The following SLC28A2 variants were observed in gnomAD, a reference collection of about 807,000 sequenced individuals.
SLC28A2 encodes solute carrier family 28 member 2, also known as sodium/nucleoside cotransporter 2.
SLC28A2 carries 69 observed loss-of-function variants against 72.9 expected under a neutral mutation model. The observed-to-expected ratio is 0.95, with a 90% CI of 0.78 to 1.16. SLC28A2 has a LOEUF of 1.16. Ranked by LOEUF, SLC28A2 falls within the 50% of genes most tolerant of loss-of-function variation. The pLI, the probability that SLC28A2 is intolerant of heterozygous loss-of-function variation, is 0.00. For missense variants in SLC28A2, 745 were observed against 791.1 expected (o/e 0.94, Z 0.70); for synonymous variants, 296 against 294.1 (o/e 1.01, Z -0.07).
intron 13 of SLC28A2, among the ~76,000 whole-genome samples, chr15:45,269,074 G>A (rs915055983): frequency 3.3e-5 from 5 of 150,726 alleles, no homozygotes; most frequent in Admixed American, 2.0e-4. Context: ...GCTAAATGAC[G>A]AGTTGATGGG....
intron 10 of SLC28A2, among the ~76,000 whole-genome samples, chr15:45,266,817 T>C (rs1900351978): frequency 6.6e-6 from 1 of 152,234 alleles, no homozygotes; most frequent in African/African-American, 2.4e-5. Flanking sequence ...CCTAGTTTCC[T>C]ATGTGAGACT....
chr15:45,273,833 C>T (rs958271445), intron 17 of SLC28A2, among the ~76,000 whole-genome samples: 7 of 152,196 alleles, frequency 4.6e-5, no homozygotes, highest in Non-Finnish European at 7.3e-5. Flanking sequence ...AAGTGACTAT[C>T]TCTTTTCCGG....
chr15:45,264,950 C>A (rs542871081), intron 7 of SLC28A2, 139 bp from the exon 8 acceptor site: 128 of 767,188 alleles, frequency 1.7e-4, no homozygotes, highest in Non-Finnish European at 2.5e-4. Flanking sequence ...GGGGACATAG[C>A]CTGCCCCTGG....
At position 45,269,499 on chromosome 15, in the gene SLC28A2, G is replaced by C. The variant is rs1346521961; in HGVS notation, c.1530G>C (p.Met510Ile). Residue 510 changes from methionine to isoleucine, a missense_variant, in exon 14 of 18, where the codon ATG (methionine) becomes ATC (isoleucine). Coordinates refer to ENST00000347644, the MANE Select transcript of SLC28A2 (RefSeq NM_004212.4). ...ACAAGAACAAACGTCTCTCTGGAAT[G>C]GAGGAGTGGATTGAGGGAGAGAAAC... ...SQYKNKRLSG[M>I]EEWIEGEKQW... The C allele has an allele frequency of 6.2e-7, 1 of 1,614,138 alleles. No homozygotes were observed. Among genetic ancestry groups the C allele is most frequent in the South Asian group, 1.1e-5 (1 of 91,086 alleles).
chr15:45,268,384 G>T lies in SLC28A2; in HGVS notation c.1368+6G>T. On this transcript the variant is annotated splice_donor_region_variant and intron_variant, in intron 13 of 17. Transcript: ENST00000347644. ...TACAGGGGCTCACTTTCCAGGTAAA[G>T]GATTACATTTGTTGGGCTGTCCCTC... is the stretch of plus-strand genomic sequence containing the variant. 6.3e-7 allele frequency: 1 copy of T among 1,579,314 alleles called. No homozygotes were observed. The highest frequency in any genetic ancestry group is 8.7e-7 in the Non-Finnish European group (1 of 1,153,406).
chr15:45,266,208 G>C, intron 10 of SLC28A2, 47 bp downstream of exon 10: 2 of 1,334,186 alleles, frequency 1.5e-6, no homozygotes, highest in Non-Finnish European at 2.2e-6. Flanking sequence ...GAGGAACTGA[G>C]AATTTGGCAC....
intron 10 of SLC28A2, among the ~76,000 whole-genome samples, chr15:45,266,556 TGCTC>T (rs1900342979): frequency 6.6e-6 from 1 of 152,300 alleles, no homozygotes; most frequent in East Asian, 1.9e-4. Context: ...TCACTTATCT[TGCTC>T]ATCGCTAACG....
At chr15:45,272,838 G>A (rs1900627216) in intron 17 of SLC28A2, 54 bp downstream of exon 17, 11 of 917,250 alleles carry the variant, frequency 1.2e-5, no homozygotes, top group Admixed American at 3.5e-5. Context: ...AGGTCTCCAC[G>A]GTAATGCTGT....
At position 45,275,382 on chromosome 15, in the gene SLC28A2, GT is replaced by G; in HGVS notation, c.1860-9del. The G allele has an allele frequency of 6.6e-7, 1 of 1,512,830 alleles. No individual in the cohort carries two copies. Among genetic ancestry groups the G allele is most frequent in the Admixed American group, 1.7e-5 (1 of 59,544 alleles). The allele number at this position is 1,512,830 out of a possible 1,614,324, so 93.7% of individuals were successfully genotyped here. On this transcript the variant is annotated splice_polypyrimidine_tract_variant and intron_variant, in intron 17 of 17. Coordinates refer to ENST00000347644, the MANE Select transcript of SLC28A2 (RefSeq NM_004212.4). ...GTCTGACCCCTTATGTACCTCTCTG[GT>G]TTTTCACTGCAGTACTTCTCTGAAT... is the stretch of plus-strand genomic sequence containing the variant.
intron 15 of SLC28A2, among the ~76,000 whole-genome samples, 199 bp downstream of exon 15, chr15:45,270,475 C>G (rs1398488606): frequency 1.3e-5 from 2 of 152,164 alleles, no homozygotes; most frequent in Non-Finnish European, 2.9e-5. Flanking sequence ...TTTATAATCT[C>G]AACTTCAGTT....
In SLC28A2 at chr15:45,277,518, G is replaced by A. The variant is rs1256459101; in HGVS notation, c.*2005G>A. The A allele has an allele frequency of 6.6e-6, 1 of 151,248 alleles. No individual in the cohort carries two copies. The highest frequency in any genetic ancestry group is 1.5e-5 in the Non-Finnish European group (1 of 67,856). The allele number at this position is 151,248 out of a possible 1,614,324, so 9.4% of individuals were successfully genotyped here. On this transcript the variant is annotated 3_prime_UTR_variant, in exon 18 of 18. Transcript: ENST00000347644. ...AAAAAGAAGTACTGATTTATGCTAT[G>A]TAGAGGCACCCCGAAAACATGCTAA...
At position 45,262,023 on chromosome 15, in the gene SLC28A2, G is replaced by A. The variant is rs115889945; in HGVS notation, c.179G>A (p.Arg60Gln). Residue 60 changes from arginine to glutamine, a missense_variant, in exon 4 of 18, where the codon CGG (arginine) becomes CAG (glutamine). Arg to Gln is a conservative substitution (Grantham distance 43). Coordinates refer to ENST00000347644, the MANE Select transcript of SLC28A2 (RefSeq NM_004212.4). ...LGPSTYQRRS[R>Q]WPFSKARSFC... is the part of the protein sequence containing the mutation. ...TTTTGGGTTCTTATTAGGAGGAGTC[G>A]GTGGCCTTTCAGCAAAGCAAGAAGT... 169 of 1,610,978 alleles carry A rather than the reference G, an allele frequency of 1.0e-4. No individual in the cohort carries two copies. The highest frequency in any genetic ancestry group is 1.6e-4 in the Middle Eastern group (1 of 6,072).
At chr15:45,272,888 AATGG>A in intron 17 of SLC28A2, 104 bp downstream of exon 17, 1 of 664,000 alleles carries the variant, frequency 1.5e-6, no homozygotes, top group Non-Finnish European at 2.7e-6. Flanking sequence ...GAGTATTGGT[AATGG>A]CCTAGATCAG....
At chr15:45,262,899 T>C (rs953078955) in intron 4 of SLC28A2, among the ~76,000 whole-genome samples, 162 bp from the exon 5 acceptor site, 4 of 152,218 alleles carry the variant, frequency 2.6e-5, no homozygotes, top group African/African-American at 9.6e-5. Context: ...TAGACATCTA[T>C]CCTGGCCTCA....
At chr15:45,254,402 G>GTACCTT (rs1899908709) in intron 3 of SLC28A2, among the ~76,000 whole-genome samples, 1 of 152,080 alleles carries the variant, frequency 6.6e-6, no homozygotes, top group Admixed American at 6.6e-5. Context: ...TATTTTTACT[G>GTACCTT]TGCCTTTTCT....
At chr15:45,255,552 C>T (rs2140558736) in intron 3 of SLC28A2, among the ~76,000 whole-genome samples, 1 of 152,282 alleles carries the variant, frequency 6.6e-6, no homozygotes, top group African/African-American at 2.4e-5. Flanking sequence ...CCACAGACCA[C>T]AGCTTGCTAA....
intron 3 of SLC28A2, among the ~76,000 whole-genome samples, chr15:45,260,754 G>A (rs1900135964): frequency 1.3e-5 from 2 of 152,164 alleles, no homozygotes; most frequent in African/African-American, 4.8e-5. Context: ...GCAACAAAGT[G>A]AGACCTTGTC....
rs553998082 is a variant in SLC28A2 at position 45,263,216 on chromosome 15, A to T, written c.418A>T (p.Asn140Tyr). Residue 140 changes from asparagine (N) to tyrosine (Y), a missense_variant, in exon 5 of 18, where the codon AAC becomes TAC. By Grantham distance (143) the Asn-to-Tyr change is moderately radical. Transcript: ENST00000347644. ...AACAAGATGTCTGAAGCCCTTTGAA[A>T]ACTCCCGCCTGAGGCTTTGGACGAA... is the stretch of plus-strand genomic sequence containing the variant. ...KLTRCLKPFENSRLRLWTKWV... is the reference protein window; with the variant it reads ...KLTRCLKPFEYSRLRLWTKWV... The T allele has an allele frequency of 1.2e-6, 2 of 1,613,748 alleles. No individual in the cohort carries two copies. The highest frequency in any genetic ancestry group is 4.5e-5 in the East Asian group (2 of 44,888).
intron 8 of SLC28A2, among the ~76,000 whole-genome samples, 174 bp downstream of exon 8, chr15:45,265,340 T>C (rs758677691): frequency 6.6e-6 from 1 of 152,140 alleles, no homozygotes; most frequent in Non-Finnish European, 1.5e-5. Flanking sequence ...CCTGTGGTCA[T>C]TGCCATCATA....
Sources: gnomAD v4.1 joint callset for allele counts (sites outside exome capture counted in the v4.1 genomes callset) on GRCh38, gnomAD v4.1.1 for gene constraint, MANE v1.5 for transcripts, NCBI Gene and HGNC (gene_info 2026-07-23, HGNC 2026-07-21) for gene names.